Variants in YIPF5 observed in about 807,000 individuals in gnomAD.
YIPF5 encodes Yip1 domain family member 5.
In YIPF5, 8 loss-of-function variants were observed where a neutral mutation model predicts 30.4. The ratio of observed to expected loss-of-function variants is 0.26; its 90% CI spans 0.15 to 0.47. The LOEUF (loss-of-function observed/expected upper bound fraction) is 0.47. YIPF5 is among the 20% of genes least tolerant of loss of function. YIPF5 has a pLI of 0.99. For missense variants in YIPF5, 282 were observed against 301.8 expected (o/e 0.93, Z 0.49); for synonymous variants, 104 against 107.9 (o/e 0.96, Z 0.23).
At chr5:144,162,839 G>C (rs978395515) in intron 4 of YIPF5, among the ~76,000 whole-genome samples, 2 of 152,158 alleles carry the variant, frequency 1.3e-5, no homozygotes, top group Non-Finnish European at 2.9e-5. Context: ...GGTGGAGGTA[G>C]TCATAATCTT....
Position 144,158,325 on chromosome 5 carries a change from G to A in YIPF5, c.*2072C>T, listed in dbSNP as rs575380885. The A allele has an allele frequency of 1.8e-4, 141 of 792,616 alleles. 1 individual carries two copies. Among genetic ancestry groups the A allele is most frequent in the Middle Eastern group, 1.7e-3 (6 of 3,606 alleles). 49.1% of individuals were successfully genotyped at this position (792,616 alleles called of 1,614,324 possible). On this transcript the variant is annotated 3_prime_UTR_variant, in exon 6 of 6. Coordinates refer to ENST00000274496, the MANE Select transcript of YIPF5 (RefSeq NM_030799.9). ...GCTGTTTTGACAGAGCAACAGTTAA[G>A]CATAAAATAGCTTTGCACCTTATTA...
In YIPF5 at chr5:144,165,589, A is replaced by G. The variant is rs1752180945; in HGVS notation, c.126T>C (p.Tyr42=). ...CAAATCTGCCTTGCTGCGAATAGTC[A>G]TAGCCAGCATACTGTCTATAAATGA... ...GGPYSKQYAG[Y]DYSQQGRFVP... is the part of the protein sequence containing the mutation. Residue 42 remains tyrosine, a synonymous_variant, in exon 3 of 6, where the codon TAT becomes TAC. Transcript: ENST00000274496. 6.2e-7 allele frequency: 1 copy of G among 1,614,082 alleles called. No homozygotes were observed. The highest frequency in any genetic ancestry group is 1.3e-5 in the African/African-American group (1 of 74,932).
intron 2 of YIPF5, among the ~76,000 whole-genome samples, chr5:144,167,878 A>T (rs573733139): frequency 9.3e-4 from 141 of 152,032 alleles, no homozygotes; most frequent in African/African-American, 3.3e-3. Flanking sequence ...CTAAATTAGC[A>T]AATCAAACAA....
In YIPF5 at chr5:144,165,445, T is replaced by G. The variant is rs763017076; in HGVS notation, c.270A>C (p.Pro90=). The G allele has an allele frequency of 6.2e-7, 1 of 1,614,130 alleles. No homozygotes were observed. The highest frequency in any genetic ancestry group is 8.5e-7 in the Non-Finnish European group (1 of 1,179,986). The part of the protein sequence containing the change: ...PFYGNNFEDE[P]PLLEELGINF... ...AACAAATCTTACCTTCTAATAAAGG[T>G]GGCTCATCCTCAAAGTTGTTTCCAT... is the stretch of plus-strand genomic sequence containing the variant. The change falls in exon 3 of 6, where the codon CCA becomes CCC. Residue 90 remains proline (P), a synonymous_variant. Transcript: ENST00000274496.
chr5:144,159,573 A>G lies in YIPF5; in HGVS notation c.*824T>C. 2 of 985,342 alleles carry G rather than the reference A, an allele frequency of 2.0e-6. No homozygotes were observed. Among genetic ancestry groups the G allele is most frequent in the Non-Finnish European group, 2.4e-6 (2 of 829,930 alleles). The allele number at this position is 985,342 out of a possible 1,614,324, so 61.0% of individuals were successfully genotyped here. On this transcript the variant is annotated 3_prime_UTR_variant, in exon 6 of 6. Transcript: ENST00000274496. Reference sequence around the variant, plus strand: ...CATGAGATAATTTACAGTAATGTCAAATTTTTGGAGTGCAAACTCATACTC... The same window carrying G: ...CATGAGATAATTTACAGTAATGTCAGATTTTTGGAGTGCAAACTCATACTC...
At position 144,159,473 on chromosome 5, in the gene YIPF5, G is replaced by GT; in HGVS notation, c.*923dup. 1 of 984,806 alleles carries GT rather than the reference G, an allele frequency of 1.0e-6. No homozygotes were observed. The highest frequency in any genetic ancestry group is 6.2e-5 in the Admixed American group (1 of 16,082). The allele number at this position is 984,806 out of a possible 1,614,324, so 61.0% of individuals were successfully genotyped here. ...AGGTTGAGTTAACATTAATATGTAA[G>GT]TAAGTGTTCGCATTTCATGTCTACA... On this transcript the variant is annotated 3_prime_UTR_variant, in exon 6 of 6. Transcript: ENST00000274496.
chr5:144,165,709 G>A, intron 2 of YIPF5, 105 bp from the exon 3 acceptor site: 2 of 1,207,618 alleles, frequency 1.7e-6, no homozygotes, highest in East Asian at 2.5e-5. Flanking sequence ...AACCTTAGTT[G>A]TGAAATTCCT....
Position 144,160,110 on chromosome 5 carries a change from T to A in YIPF5, c.*287A>T. 1 of 1,084,276 alleles carries A rather than the reference T, an allele frequency of 9.2e-7. No individual in the cohort carries two copies. Among genetic ancestry groups the A allele is most frequent in the East Asian group, 5.9e-5 (1 of 16,942 alleles). 67.2% of individuals were successfully genotyped at this position (1,084,276 alleles called of 1,614,324 possible). A position where few individuals can be genotyped will look rare whatever the true frequency, so the allele number is the denominator to read the frequency against. ...TAAAAATCTATCAAAAACATTATAA[T>A]TTGCAAGGAAAAAGGTTTTTCAATG... On this transcript the variant is annotated 3_prime_UTR_variant, in exon 6 of 6. Coordinates refer to ENST00000274496, the MANE Select transcript of YIPF5 (RefSeq NM_030799.9).
In YIPF5 at chr5:144,162,284, C is replaced by T. The variant is rs1752071352; in HGVS notation, c.545G>A (p.Ser182Asn). Residue 182 changes from serine (S) to asparagine (N), a missense_variant, in exon 5 of 6, where the codon AGT (serine) becomes AAT (asparagine). Physicochemically the swap from Ser to Asn is conservative, Grantham distance 46. Coordinates refer to ENST00000274496, the MANE Select transcript of YIPF5 (RefSeq NM_030799.9). ...MTGVSFGCVA[S>N]VLGYCLLPMI... is the part of the protein sequence containing the mutation. ...GGGCAGAAGACAATATCCAAGGACACTTGCCACACAACCAAATGAAACACC... is the reference window on the plus strand; with the variant it reads ...GGGCAGAAGACAATATCCAAGGACATTTGCCACACAACCAAATGAAACACC... The T allele has an allele frequency of 6.2e-7, 1 of 1,613,950 alleles. No homozygotes were observed. Among genetic ancestry groups the T allele is most frequent in the African/African-American group, 1.3e-5 (1 of 74,910 alleles).
At position 144,158,570 on chromosome 5, in the gene YIPF5, G is replaced by A. The variant is rs1751935149; in HGVS notation, c.*1827C>T. ...TTATTAGCAATATTTGGATATTAAG[G>A]GAAGACATTTGCCTTAACAAAAACT... On this transcript the variant is annotated 3_prime_UTR_variant, in exon 6 of 6. Transcript: ENST00000274496. 10 of 1,139,612 alleles carry A rather than the reference G, an allele frequency of 8.8e-6. No individual in the cohort carries two copies. The South Asian group carries it at 1.8e-4, about 21-fold the overall frequency. The allele number at this position is 1,139,612 out of a possible 1,614,324, so 70.6% of individuals were successfully genotyped here. A position where few individuals can be genotyped will look rare whatever the true frequency, so the allele number is the denominator to read the frequency against.
At chr5:144,168,197 T>C (rs1210038955) in intron 2 of YIPF5, among the ~76,000 whole-genome samples, 1 of 152,212 alleles carries the variant, frequency 6.6e-6, no homozygotes, top group East Asian at 1.9e-4. Flanking sequence ...AGCAACAAGT[T>C]GTTTAGAATA....
Position 144,164,091 on chromosome 5 carries a change from G to A in YIPF5, c.429+20C>T. 3 of 1,606,216 alleles carry A rather than the reference G, an allele frequency of 1.9e-6. No homozygotes were observed. Among genetic ancestry groups the A allele is most frequent in the South Asian group, 2.3e-5 (2 of 88,774 alleles). The stretch of plus-strand genomic sequence containing the variant: ...GGCTGTTCTTTAATTGCACCCTGAA[G>A]GTTGAAATGAAAATCTTACCAGTAG... On this transcript the variant is annotated intron_variant, in intron 4 of 5. Coordinates refer to ENST00000274496, the MANE Select transcript of YIPF5 (RefSeq NM_030799.9).
intron 2 of YIPF5, among the ~76,000 whole-genome samples, 170 bp downstream of exon 2, chr5:144,169,676 C>T (rs1362242968): frequency 1.3e-5 from 2 of 152,140 alleles, no homozygotes; most frequent in Non-Finnish European, 2.9e-5. Flanking sequence ...ACAATACCTT[C>T]GAAGCCAAGC....
intron 2 of YIPF5, among the ~76,000 whole-genome samples, chr5:144,167,358 A>G (rs1752230767): frequency 6.6e-6 from 1 of 152,150 alleles, no homozygotes; most frequent in South Asian, 2.1e-4. Context: ...ACAACATGAA[A>G]AGCAGCAGAT....
At position 144,159,551 on chromosome 5, in the gene YIPF5, G is replaced by T. The variant is rs966613696; in HGVS notation, c.*846C>A. On this transcript the variant is annotated 3_prime_UTR_variant, in exon 6 of 6. Transcript: ENST00000274496. ...CTCTGAATTTTAGCAAAAATTCCAT[G>T]AGATAATTTACAGTAATGTCAAATT... The T allele has an allele frequency of 1.0e-6, 1 of 985,312 alleles. No individual in the cohort carries two copies. Among genetic ancestry groups the T allele is most frequent in the Non-Finnish European group, 1.2e-6 (1 of 829,914 alleles). The allele number at this position is 985,312 out of a possible 1,614,324, so 61.0% of individuals were successfully genotyped here. A position where few individuals can be genotyped will look rare whatever the true frequency, so the allele number is the denominator to read the frequency against.
rs1482448452 is a variant in YIPF5, at chr5:144,159,483, G to C, written c.*914C>G. 9 of 983,026 alleles carry C rather than the reference G, an allele frequency of 9.2e-6. No homozygotes were observed. The highest frequency in any genetic ancestry group is 1.1e-5 in the Non-Finnish European group (9 of 829,118). The allele number at this position is 983,026 out of a possible 1,614,324, so 60.9% of individuals were successfully genotyped here. ...AACATTAATATGTAAGTAAGTGTTC[G>C]CATTTCATGTCTACAATAAGGTAGA... On this transcript the variant is annotated 3_prime_UTR_variant, in exon 6 of 6. Transcript: ENST00000274496.
rs1316311324 is a variant in YIPF5 at position 144,158,657 on chromosome 5, A to G, written c.*1740T>C. On this transcript the variant is annotated 3_prime_UTR_variant, in exon 6 of 6. Transcript: ENST00000274496. Reference sequence around the variant, plus strand: ...ATACTATCCAAGAATTACAATAAAAAATTTGGTTAAGTTGGAAAGCCTATC... The same window carrying G: ...ATACTATCCAAGAATTACAATAAAAGATTTGGTTAAGTTGGAAAGCCTATC... 2.9e-6 allele frequency: 3 copies of G among 1,032,390 alleles called. No homozygotes were observed. Among genetic ancestry groups the G allele is most frequent in the Admixed American group, 6.0e-5 (1 of 16,626 alleles). 64.0% of individuals were successfully genotyped at this position (1,032,390 alleles called of 1,614,324 possible).
Position 144,158,603 on chromosome 5 carries a change from A to G in YIPF5, c.*1794T>C. The G allele has an allele frequency of 1.9e-6, 2 of 1,079,940 alleles. No homozygotes were observed. The highest frequency in any genetic ancestry group is 2.3e-6 in the Non-Finnish European group (2 of 888,104). 66.9% of individuals were successfully genotyped at this position (1,079,940 alleles called of 1,614,324 possible). A position where few individuals can be genotyped will look rare whatever the true frequency, so the allele number is the denominator to read the frequency against. ...TTTGCCTTAACAAAAACTATACTGA[A>G]AAAGACAAATGAATTGAAAAAGACA... On this transcript the variant is annotated 3_prime_UTR_variant, in exon 6 of 6. Coordinates refer to ENST00000274496, the MANE Select transcript of YIPF5 (RefSeq NM_030799.9).
intron 3 of YIPF5, 35 bp downstream of exon 3, chr5:144,165,397 T>C: frequency 8.1e-6 from 13 of 1,607,068 alleles, no homozygotes; most frequent in African/African-American, 1.3e-5. Flanking sequence ...AGCTGAATAC[T>C]ATTGAGTACT....
Sources: allele counts gnomAD v4.1 joint callset (sites outside exome capture counted in the v4.1 genomes callset), GRCh38; gene constraint gnomAD v4.1.1; transcripts MANE v1.5; gene names NCBI Gene and HGNC (gene_info 2026-07-23, HGNC 2026-07-21).